Variants in GALNT3 observed in about 807,000 individuals in gnomAD.
The protein encoded by GALNT3 is polypeptide N-acetylgalactosaminyltransferase 3.
Under a neutral mutation model 69.8 loss-of-function variants are expected in GALNT3, and 51 were observed. That is an observed-to-expected ratio of 0.73 (90% CI 0.58 to 0.92). The LOEUF is 0.92. Ranked by LOEUF, GALNT3 falls within the 40% of genes least tolerant of loss-of-function variation. GALNT3 has a pLI of 0.00. For synonymous variants in GALNT3, 265 were observed against 248.5 expected (o/e 1.07, Z -0.63); for missense variants, 711 against 760.0 (o/e 0.94, Z 0.76).
At position 165,748,694 on chromosome 2, in the gene GALNT3, G is replaced by C. The variant is rs1036329315; in HGVS notation, c.*87C>G. On this transcript the variant is annotated 3_prime_UTR_variant, in exon 11 of 11. Coordinates refer to ENST00000392701, the MANE Select transcript of GALNT3 (RefSeq NM_004482.4). Reference sequence around the variant, plus strand: ...GAATAAGTTACATTTAGCTGCTTTTGCATAATTTTCAAAAACTACAGTGTA... The same window carrying C: ...GAATAAGTTACATTTAGCTGCTTTTCCATAATTTTCAAAAACTACAGTGTA... 4.8e-6 allele frequency: 6 copies of C among 1,246,264 alleles called. No homozygotes were observed. Among genetic ancestry groups the C allele is most frequent in the Non-Finnish European group, 6.8e-6 (6 of 879,800 alleles). 77.2% of individuals were successfully genotyped at this position (1,246,264 alleles called of 1,614,324 possible). A position where few individuals can be genotyped will look rare whatever the true frequency, so the allele number is the denominator to read the frequency against.
intron 1 of GALNT3, among the ~76,000 whole-genome samples, chr2:165,786,046 C>T (rs185759098): frequency 1.4e-5 from 2 of 148,044 alleles, no homozygotes; most frequent in East Asian, 3.9e-4. Context: ...TATGTAATCA[C>T]AGTAAATAAA....
chr2:165,763,860 T>C (rs1688592571), intron 3 of GALNT3, among the ~76,000 whole-genome samples: 1 of 152,132 alleles, frequency 6.6e-6, no homozygotes, highest in African/African-American at 2.4e-5. Context: ...TATGGCACAA[T>C]TACTTTTAGC....
intron 1 of GALNT3, among the ~76,000 whole-genome samples, chr2:165,789,576 C>T (rs1271697947): frequency 1.3e-5 from 2 of 152,056 alleles, no homozygotes; most frequent in Non-Finnish European, 2.9e-5. Context: ...ATCTCTGCAG[C>T]AAAATATATT....
chr2:165,757,404 T>G (rs1688465413), intron 6 of GALNT3, among the ~76,000 whole-genome samples, 157 bp from the exon 7 acceptor site: 1 of 152,236 alleles, frequency 6.6e-6, no homozygotes, highest in South Asian at 2.1e-4. Context: ...ACTTAAGTTC[T>G]TAAGTGTAAG....
rs1241858554 is a variant in GALNT3, at chr2:165,748,732, G to A, written c.*49C>T. The stretch of plus-strand genomic sequence containing the variant: ...AAACTACAGTGTATGCCTAGTCACA[G>A]TTTTATGAGAAAGAATATTTCCTTT... On this transcript the variant is annotated 3_prime_UTR_variant, in exon 11 of 11. Coordinates refer to ENST00000392701, the MANE Select transcript of GALNT3 (RefSeq NM_004482.4). 1 of 1,546,994 alleles carries A rather than the reference G, an allele frequency of 6.5e-7. No individual in the cohort carries two copies.
chr2:165,758,675 G>A, intron 6 of GALNT3, 72 bp downstream of exon 6: 1 of 991,814 alleles, frequency 1.0e-6, no homozygotes, highest in Non-Finnish European at 1.6e-6. Context: ...GTAATCATAT[G>A]TACCAGCCGA....
rs1476184176 is a variant in GALNT3 at position 165,748,233 on chromosome 2, T to C, written c.*548A>G. The C allele has an allele frequency of 9.8e-6, 2 of 203,384 alleles. No individual in the cohort carries two copies. Among genetic ancestry groups the C allele is most frequent in the Admixed American group, 1.2e-4 (2 of 16,812 alleles). 12.6% of individuals were successfully genotyped at this position (203,384 alleles called of 1,614,324 possible). ...CTCTTCTCCTTATTCAGTTTCATGT[T>C]TAAGGAAACATTTGACAGACAAGTA... On this transcript the variant is annotated 3_prime_UTR_variant, in exon 11 of 11. Coordinates refer to ENST00000392701, the MANE Select transcript of GALNT3 (RefSeq NM_004482.4).
intron 4 of GALNT3, among the ~76,000 whole-genome samples, chr2:165,760,562 C>A (rs903114520): frequency 1.3e-5 from 2 of 152,138 alleles, no homozygotes; most frequent in Non-Finnish European, 2.9e-5. Context: ...TTTTGAACAA[C>A]GAGAAGAAAT....
rs575200254 is a variant in GALNT3, at chr2:165,767,194, T to G, written c.516-2138A>C. On this transcript the variant is annotated intron_variant, in intron 2 of 10. Coordinates refer to ENST00000392701, the MANE Select transcript of GALNT3 (RefSeq NM_004482.4). ...AATATAAGCTTATATTTTGAACCCATAAAAGTTTATAACCAACATAAACTA... is the reference window on the plus strand; with the variant it reads ...AATATAAGCTTATATTTTGAACCCAGAAAAGTTTATAACCAACATAAACTA... 1.3e-4 allele frequency among the ~76,000 whole-genome samples: 19 copies of G among 151,692 alleles called. 1 individual carries two copies. The South Asian group carries it at 4.0e-3, about 32-fold the overall frequency.
intron 2 of GALNT3, among the ~76,000 whole-genome samples, chr2:165,769,574 T>G (rs1688713833): frequency 6.6e-6 from 1 of 151,806 alleles, no homozygotes; most frequent in African/African-American, 2.4e-5. Context: ...GGCAACATGG[T>G]GAAACCCCGT....
rs759891463 is a variant in GALNT3 at position 165,755,867 on chromosome 2, G to A, written c.1393-804C>T. Among the ~76,000 whole-genome samples, 108 of 152,212 alleles carry A rather than the reference G, an allele frequency of 7.1e-4. 1 individual carries two copies. The highest frequency in any genetic ancestry group is 1.7e-3 in the Admixed American group (26 of 15,288). On this transcript the variant is annotated intron_variant, in intron 7 of 10. Coordinates refer to ENST00000392701, the MANE Select transcript of GALNT3 (RefSeq NM_004482.4). ...TTTTAGCAAAAAGTATGAGTCTTTAGGACTTCTGGCTAGCTTATTACATTT... is the reference window on the plus strand; with the variant it reads ...TTTTAGCAAAAAGTATGAGTCTTTAAGACTTCTGGCTAGCTTATTACATTT...
In GALNT3 at chr2:165,758,841, A is replaced by C. The variant is rs780440401; in HGVS notation, c.1097T>G (p.Leu366Arg). Residue 366 changes from leucine (L) to arginine (R), a missense_variant, in exon 6 of 11, where the codon CTT becomes CGT. Transcript: ENST00000392701. The stretch of plus-strand genomic sequence containing the variant: ...AAAATATTCTTTTGATATGGAAAAA[A>C]GTCCTCCTGCAAAAGTGGGTGTTCT... ...PIKTPTFAGG[L>R]FSISKEYFEY... 11 of 1,609,340 alleles carry C rather than the reference A, an allele frequency of 6.8e-6. No homozygotes were observed. In the South Asian group the frequency reaches 1.2e-4, roughly 18 times the overall value.
At chr2:165,757,343 T>A in intron 6 of GALNT3, 96 bp from the exon 7 acceptor site, 1 of 1,162,494 alleles carries the variant, frequency 8.6e-7, no homozygotes, top group Non-Finnish European at 1.3e-6. Flanking sequence ...AAAAACAAAA[T>A]TAGAGAAGAG....
intron 1 of GALNT3, among the ~76,000 whole-genome samples, chr2:165,783,868 TC>T (rs1164808244): frequency 6.6e-6 from 1 of 152,158 alleles, no homozygotes; most frequent in Non-Finnish European, 1.5e-5. Context: ...TTTCAAGTCT[TC>T]CATAACATCA....
intron 8 of GALNT3, 50 bp downstream of exon 8, chr2:165,754,882 G>A (rs199690865): frequency 8.8e-6 from 14 of 1,591,810 alleles, no homozygotes; most frequent in Non-Finnish European, 1.2e-5. Context: ...CCACATAAAG[G>A]TTGGTGGCAA....
rs768116867 is a variant in GALNT3 at position 165,762,022 on chromosome 2, T to A, written c.721A>T (p.Lys241Ter). Residue 241 changes from lysine to a stop codon, truncating the protein, a stop_gained, in exon 4 of 11, where the codon AAA becomes TAA. Transcript: ENST00000392701. LOFTEE classifies it high-confidence loss of function. ...YLHDKLDEYVKQFSIVKIVRQ... is the reference protein window; with the variant it reads ...YLHDKLDEYV Reference sequence around the variant, plus strand: ...ACTATTTTTACTATAGAAAATTGTTTTACATATTCATCTAGTTTATCATGT... The same window carrying A: ...ACTATTTTTACTATAGAAAATTGTTATACATATTCATCTAGTTTATCATGT... 1.9e-6 allele frequency: 3 copies of A among 1,591,946 alleles called. No homozygotes were observed. In the Admixed American group the frequency reaches 5.0e-5, roughly 27 times the overall value.
At chr2:165,772,584 CAAAAAAA>C (rs375725339) in intron 1 of GALNT3, among the ~76,000 whole-genome samples, 2 of 66,956 alleles carry the variant, frequency 3.0e-5, no homozygotes, top group African/African-American at 6.3e-5. Context: ...GACTCTGTCT[CAAAAAAA>C]AAAAAAAAAA....
intron 1 of GALNT3, among the ~76,000 whole-genome samples, chr2:165,777,384 C>T (rs551181951): frequency 6.6e-6 from 1 of 152,286 alleles, no homozygotes; most frequent in Non-Finnish European, 1.5e-5. Flanking sequence ...ATCTTTGCCA[C>T]ACATTATCTA....
chr2:165,760,182 A>G (rs532502931), intron 4 of GALNT3, among the ~76,000 whole-genome samples: 1 of 152,288 alleles, frequency 6.6e-6, no homozygotes, highest in East Asian at 1.9e-4. Flanking sequence ...AAGTGTTCTG[A>G]TTTATTTAAA....
Sources: allele counts gnomAD v4.1 joint callset (sites outside exome capture counted in the v4.1 genomes callset), GRCh38; gene constraint gnomAD v4.1.1; transcripts MANE v1.5; gene names NCBI Gene and HGNC (gene_info 2026-07-23, HGNC 2026-07-21).